The following ANOS1 variants were observed in gnomAD, a reference collection of about 807,000 sequenced individuals.
ANOS1 encodes the protein anosmin-1.
In ANOS1, 6 loss-of-function variants were observed where a neutral mutation model predicts 59.0. That is an observed-to-expected ratio of 0.10 (90% CI 0.06 to 0.20). The LOEUF is 0.20. Ranked by LOEUF, ANOS1 falls within the 10% of genes least tolerant of loss-of-function variation. ANOS1 has a pLI of 1.00. For missense variants in ANOS1, 433 were observed against 542.3 expected, an observed-to-expected ratio of 0.80 and a Z score of 2.00; for synonymous variants, 217 against 223.4, an observed-to-expected ratio of 0.97 and a Z score of 0.25.
chrX:8,731,882 C>T lies in ANOS1; in HGVS notation c.155G>A (p.Arg52Lys). Residue 52 changes from arginine (R) to lysine (K), a missense_variant, in exon 1 of 14, where the codon AGG becomes AAG. By Grantham distance (26) the Arg-to-Lys change is conservative. Coordinates refer to ENST00000262648, the MANE Select transcript of ANOS1 (RefSeq NM_000216.4). ...GCGAGTGATCTGCAGGCTCAGGCAC[C>T]TGGAGGCGCAGCGAGCGCGCTGGAC... Reference protein sequence around the residue: ...GSVQRARCASRCLSLQITRIS... With the variant: ...GSVQRARCASKCLSLQITRIS... 8.4e-7 allele frequency: 1 copy of T among 1,194,058 alleles called. No individual in the cohort carries two copies. Among genetic ancestry groups the T allele is most frequent in the Non-Finnish European group, 1.1e-6 (1 of 888,362 alleles).
intron 1 of ANOS1, among the ~76,000 whole-genome samples, chrX:8,701,390 T>C (rs1932755075): frequency 8.9e-6 from 1 of 112,715 alleles, no homozygotes; most frequent in Non-Finnish European, 1.9e-5. Context: ...ACAAGTTTAT[T>C]GAGATATAAT....
chrX:8,589,821 C>T (rs1284525136), intron 4 of ANOS1, among the ~76,000 whole-genome samples: 1 of 112,475 alleles, frequency 8.9e-6, no homozygotes, highest in African/African-American at 3.2e-5. Context: ...TGCTGAATTT[C>T]TCTGTCCCAG....
chrX:8,714,731 A>G (rs1409772782), intron 1 of ANOS1, among the ~76,000 whole-genome samples: 1 of 110,616 alleles, frequency 9.0e-6, no homozygotes, highest in East Asian at 2.8e-4. Flanking sequence ...CAAGAAGGGG[A>G]AAAAAAATGA....
intron 4 of ANOS1, among the ~76,000 whole-genome samples, chrX:8,589,079 T>C (rs145552299): frequency 0.01 from 1,182 of 112,859 alleles, 15 homozygotes; most frequent in African/African-American, 0.036. Flanking sequence ...TGATGCATGT[T>C]GACATGGTTG....
In ANOS1 at chrX:8,530,504, CAT is replaced by C. The variant is rs1296670703; in HGVS notation, c.*2489_*2490del. The C allele has an allele frequency of 2.0e-4, 22 of 110,738 alleles. No individual in the cohort carries two copies. The highest frequency in any genetic ancestry group is 6.8e-4 in the Admixed American group (7 of 10,357). The allele number at this position is 110,738 out of a possible 1,213,427, so 9.1% of individuals were successfully genotyped here. On this transcript the variant is annotated 3_prime_UTR_variant, in exon 14 of 14. Transcript: ENST00000262648. ...CTTATTAAAATCCATAAGAGAAACACATGTTTTTTATTAGCCCATTAATAGCA... is the reference window on the plus strand; with the variant it reads ...CTTATTAAAATCCATAAGAGAAACACGTTTTTTATTAGCCCATTAATAGCA...
At chrX:8,715,098 G>A (rs890073957) in intron 1 of ANOS1, among the ~76,000 whole-genome samples, 1 of 112,325 alleles carries the variant, frequency 8.9e-6, no homozygotes, top group African/African-American at 3.2e-5. Context: ...AGAAAAATGT[G>A]TTCATTGCAG....
intron 6 of ANOS1, among the ~76,000 whole-genome samples, chrX:8,572,846 A>G (rs1930255411): frequency 9.0e-6 from 1 of 111,042 alleles, no homozygotes; most frequent in Admixed American, 9.6e-5. Context: ...AAAGTACTGC[A>G]TCAGGTGGCT....
At chrX:8,713,614 T>G (rs868157002) in intron 1 of ANOS1, among the ~76,000 whole-genome samples, 1 of 110,143 alleles carries the variant, frequency 9.1e-6, no homozygotes, top group Admixed American at 9.7e-5. Flanking sequence ...TTTTTTTTCT[T>G]TCTTTCTTTT....
intron 3 of ANOS1, among the ~76,000 whole-genome samples, chrX:8,619,286 A>G (rs1212812330): frequency 9.0e-6 from 1 of 110,748 alleles, no homozygotes; most frequent in Non-Finnish European, 1.9e-5. Context: ...GTTTTGATAC[A>G]AACATTTAAC....
intron 1 of ANOS1, among the ~76,000 whole-genome samples, chrX:8,722,303 C>T (rs922207011): frequency 3.6e-5 from 4 of 111,324 alleles, no homozygotes; most frequent in African/African-American, 1.3e-4. Context: ...GCACCCATCA[C>T]CCAAGCAGTA....
intron 1 of ANOS1, among the ~76,000 whole-genome samples, chrX:8,724,347 C>T (rs905930216): frequency 1.8e-5 from 2 of 111,308 alleles, no homozygotes; most frequent in Admixed American, 9.6e-5. Flanking sequence ...AATATTGGGG[C>T]GGAGAGAAAA....
rs995168408 is a variant in ANOS1, at chrX:8,599,344, T to C, written c.319-2088A>G. On this transcript the variant is annotated intron_variant, in intron 3 of 13. Coordinates refer to ENST00000262648, the MANE Select transcript of ANOS1 (RefSeq NM_000216.4). ...ATGTGGTAGCTTTGGTGAACAGAAG[T>C]CTAGGGGGAGAATAGGAACATCAAG... is the stretch of plus-strand genomic sequence containing the variant. Among the ~76,000 whole-genome samples the C allele has an allele frequency of 5.7e-4, 63 of 111,219 alleles. 1 individual carries two copies. The highest frequency in any genetic ancestry group is 1.9e-3 in the African/African-American group (58 of 30,593).
chrX:8,557,993 T>A (rs1929974169), intron 8 of ANOS1, among the ~76,000 whole-genome samples: 1 of 111,747 alleles, frequency 8.9e-6, no homozygotes, highest in African/African-American at 3.3e-5. Flanking sequence ...TATGTAGCCA[T>A]ATAAAGGAAT....
intron 2 of ANOS1, among the ~76,000 whole-genome samples, chrX:8,668,430 T>TATATATATACACAC (rs1394731479): frequency 3.7e-5 from 3 of 80,242 alleles, no homozygotes; most frequent in African/African-American, 9.9e-5. Context: ...TATATATATA[T>TATATATATACACAC]ACACACACAT....
intron 2 of ANOS1, among the ~76,000 whole-genome samples, chrX:8,661,745 T>C (rs1404306271): frequency 8.9e-6 from 1 of 111,964 alleles, no homozygotes; most frequent in East Asian, 2.8e-4. Context: ...TGCCCCCTGA[T>C]GGTCCTGGGC....
chrX:8,648,668 T>C (rs1270798808), intron 2 of ANOS1, among the ~76,000 whole-genome samples: 4 of 111,956 alleles, frequency 3.6e-5, no homozygotes, highest in African/African-American at 1.3e-4. Context: ...TTTAATTCTT[T>C]ATATTTGGAC....
intron 1 of ANOS1, among the ~76,000 whole-genome samples, chrX:8,700,771 G>A (rs1932750276): frequency 8.9e-6 from 1 of 112,038 alleles, no homozygotes; most frequent in Admixed American, 9.5e-5. Flanking sequence ...CACTTTGGGA[G>A]GCCAAGACGG....
At position 8,567,037 on chromosome X, in the gene ANOS1, C is replaced by T. The variant is rs754303081; in HGVS notation, c.1207+1195G>A. Among the ~76,000 whole-genome samples, 14 of 111,953 alleles carry T rather than the reference C, an allele frequency of 1.3e-4. No individual in the cohort carries two copies. In the South Asian group the frequency reaches 3.4e-3, roughly 27 times the overall value. On this transcript the variant is annotated intron_variant, in intron 8 of 13. Coordinates refer to ENST00000262648, the MANE Select transcript of ANOS1 (RefSeq NM_000216.4). ...TCGGAGGAGCCCCTGCGACAAACGC[C>T]TCCTCCCTCCTACTCTCATTTAATT...
intron 2 of ANOS1, among the ~76,000 whole-genome samples, chrX:8,680,237 G>A (rs1932403940): frequency 9.8e-6 from 1 of 102,273 alleles, no homozygotes; most frequent in Admixed American, 1.1e-4. Flanking sequence ...TTTATTCTTA[G>A]AGACAGGGTC....
Sources: allele counts gnomAD v4.1 joint callset (sites outside exome capture counted in the v4.1 genomes callset), GRCh38; gene constraint gnomAD v4.1.1; transcripts MANE v1.5; gene names NCBI Gene and HGNC (gene_info 2026-07-23, HGNC 2026-07-21).